Variants in LINGO2 observed in about 807,000 individuals in gnomAD.
The protein encoded by LINGO2 is leucine-rich repeat and immunoglobulin-like domain-containing nogo receptor-interacting protein 2.
In LINGO2, 14 loss-of-function variants were observed where a neutral mutation model predicts 30.6. The ratio of observed to expected loss-of-function variants is 0.46; its 90% CI spans 0.30 to 0.72. The LOEUF (loss-of-function observed/expected upper bound fraction) is 0.72. Ranked by LOEUF, LINGO2 falls within the 30% of genes least tolerant of loss-of-function variation. The pLI is 0.07. For missense variants in LINGO2, 729 were observed against 751.7 expected (o/e 0.97, Z 0.35); for synonymous variants, 317 against 288.5 (o/e 1.10, Z -1.00).
intron 1 of LINGO2, among the ~76,000 whole-genome samples, chr9:28,650,747 A>G (rs912982935): frequency 2.0e-5 from 3 of 152,120 alleles, no homozygotes; most frequent in Non-Finnish European, 2.9e-5. Context: ...TAGTGCATAT[A>G]TATGTTTTAT....
chr9:28,288,113 C>T (rs1823584669), intron 4 of LINGO2, among the ~76,000 whole-genome samples: 1 of 152,092 alleles, frequency 6.6e-6, no homozygotes, highest in Admixed American at 6.6e-5. Context: ...CACCCTTTGC[C>T]ATAATCTTTT....
At chr9:28,549,684 T>C (rs1822170388) in intron 1 of LINGO2, among the ~76,000 whole-genome samples, 1 of 151,904 alleles carries the variant, frequency 6.6e-6, no homozygotes, top group African/African-American at 2.4e-5. Context: ...TAAATGATAG[T>C]CACAGAATAG....
At chr9:28,454,066 G>A (rs1824750891) in intron 2 of LINGO2, among the ~76,000 whole-genome samples, 1 of 151,966 alleles carries the variant, frequency 6.6e-6, no homozygotes, top group African/African-American at 2.4e-5. Context: ...AATCAGTCTT[G>A]AGTAATGAGA....
the LINGO2 span, among the ~76,000 whole-genome samples, chr9:28,780,698 G>A: frequency 1.2e-4 from 18 of 152,202 alleles, no homozygotes; most frequent in Middle Eastern, 3.4e-3. Flanking sequence ...GATAAACTGT[G>A]TACATTTCTT....
At chr9:28,769,498 ATATATATATATATATATATATTTTTTTTT>A in the LINGO2 span, among the ~76,000 whole-genome samples, 11 of 8,510 alleles carry the variant, frequency 1.3e-3, no homozygotes, top group African/African-American at 5.7e-3. Flanking sequence ...ATATATATAT[ATATATATATATATATATATATTTTTTTTT>A]TTTTTTTTTT....
At chr9:28,042,739 A>G (rs1282781611) in intron 4 of LINGO2, among the ~76,000 whole-genome samples, 3 of 152,146 alleles carry the variant, frequency 2.0e-5, no homozygotes, top group Admixed American at 6.5e-5. Context: ...TCTGCAATCA[A>G]TATCATCTTA....
At chr9:28,600,267 G>T (rs1004391031) in intron 1 of LINGO2, among the ~76,000 whole-genome samples, 11 of 152,076 alleles carry the variant, frequency 7.2e-5, no homozygotes, top group African/African-American at 2.7e-4. Context: ...CTGTTTGTTT[G>T]TTTCCCCAGT....
chr9:28,377,064 A>G (rs1337094223), intron 2 of LINGO2, among the ~76,000 whole-genome samples: 2 of 152,188 alleles, frequency 1.3e-5, no homozygotes, highest in South Asian at 2.1e-4. Context: ...GATATGTACA[A>G]ACACACGTTG....
At position 28,045,301 on chromosome 9, in the gene LINGO2, AGG is replaced by A. The variant is rs1203180945; in HGVS notation, c.-86-32898_-86-32897del. ...ACTATTTTTAACCTCACCCTGACAG[AGG>A]GAGAGTTAAACTTTGAGTATTTTAT... On this transcript the variant is annotated intron_variant, in intron 4 of 5. Coordinates refer to ENST00000379992, the Ensembl canonical transcript of LINGO2. Among the ~76,000 whole-genome samples the A allele has an allele frequency of 2.6e-3, 399 of 152,284 alleles. 3 individuals are homozygous for A. Among genetic ancestry groups the A allele is most frequent in the African/African-American group, 8.0e-3 (334 of 41,570 alleles).
At chr9:28,361,197 G>A (rs1295311421) in intron 3 of LINGO2, among the ~76,000 whole-genome samples, 1 of 152,144 alleles carries the variant, frequency 6.6e-6, no homozygotes, top group African/African-American at 2.4e-5. Flanking sequence ...TTGAGGTAAT[G>A]CTTATTTTAC....
chr9:28,805,967 C>A, the LINGO2 span, among the ~76,000 whole-genome samples: 1 of 151,892 alleles, frequency 6.6e-6, no homozygotes, highest in South Asian at 2.1e-4. Flanking sequence ...TATAAAATAT[C>A]CTTGAAAATT....
the LINGO2 span, among the ~76,000 whole-genome samples, chr9:29,102,304 A>C: frequency 2.0e-5 from 3 of 151,908 alleles, no homozygotes; most frequent in African/African-American, 4.8e-5. Context: ...TATGGTCTCG[A>C]TCTCCTGATC....
intron 1 of LINGO2, among the ~76,000 whole-genome samples, chr9:28,495,823 G>A (rs540344630): frequency 6.6e-6 from 1 of 152,246 alleles, no homozygotes; most frequent in South Asian, 2.1e-4. Flanking sequence ...TCTACACACT[G>A]CTTTAAATGT....
chr9:28,656,891 T>C (rs139859965), intron 1 of LINGO2, among the ~76,000 whole-genome samples: 30 of 152,158 alleles, frequency 2.0e-4, no homozygotes, highest in African/African-American at 6.7e-4. Context: ...ACCCTTGCTC[T>C]CTCTCCTAGA....
chr9:28,403,178 C>T (rs528346776), intron 2 of LINGO2, among the ~76,000 whole-genome samples: 4 of 152,114 alleles, frequency 2.6e-5, no homozygotes, highest in Admixed American at 2.0e-4. Context: ...CGTACTTTTC[C>T]CACTGGCTCT....
In LINGO2 at chr9:28,090,818, T is replaced by C. The variant is rs538205935; in HGVS notation, c.-86-78413A>G. 1.5e-4 allele frequency among the ~76,000 whole-genome samples: 23 copies of C among 152,312 alleles called. 1 individual carries two copies. Among genetic ancestry groups the C allele is most frequent in the Admixed American group, 9.2e-4 (14 of 15,294 alleles). ...CATGATTGTATATCAGAAAACCCCA[T>C]CGTCTTAGCTCAAAATCTTGTTAAG... On this transcript the variant is annotated intron_variant, in intron 4 of 5. Transcript: ENST00000379992.
the LINGO2 span, among the ~76,000 whole-genome samples, chr9:29,013,951 A>C: frequency 2.8e-4 from 43 of 152,094 alleles, no homozygotes; most frequent in African/African-American, 9.6e-4. Flanking sequence ...CAAAATTTTT[A>C]TTGCTTACTT....
At chr9:28,992,932 C>A in the LINGO2 span, among the ~76,000 whole-genome samples, 3 of 151,498 alleles carry the variant, frequency 2.0e-5, no homozygotes, top group East Asian at 1.9e-4. Context: ...AAAATTGACA[C>A]CCTTACATCA....
At chr9:28,085,133 A>T (rs1282662450) in intron 4 of LINGO2, among the ~76,000 whole-genome samples, 1 of 152,154 alleles carries the variant, frequency 6.6e-6, no homozygotes, top group Non-Finnish European at 1.5e-5. Flanking sequence ...AGTCTAGCTG[A>T]TCCTGAAGTT....
Sources: allele counts gnomAD v4.1 joint callset (sites outside exome capture counted in the v4.1 genomes callset), GRCh38; gene constraint gnomAD v4.1.1; transcripts MANE v1.5; gene names NCBI Gene and HGNC (gene_info 2026-07-23, HGNC 2026-07-21).